The following CACNA2D1 variants were observed in gnomAD, a reference collection of about 807,000 sequenced individuals.
CACNA2D1 encodes the protein voltage-dependent calcium channel subunit alpha-2/delta-1.
Under a neutral mutation model 171.5 loss-of-function variants are expected in CACNA2D1, and 53 were observed. The ratio of observed to expected loss-of-function variants is 0.31; its 90% confidence interval spans 0.25 to 0.39. The LOEUF is 0.39. Among genes scored for constraint, CACNA2D1 ranks in the 10% least tolerant of loss-of-function variants. CACNA2D1 has a pLI of 1.00. For synonymous variants in CACNA2D1, 442 were observed against 443.1 expected, an observed-to-expected ratio of 1.00 and a Z score of 0.03; for missense variants, 903 against 1,299.8, an observed-to-expected ratio of 0.69 and a Z score of 4.69.
chr7:82,128,266 T>C (rs905226209), intron 5 of CACNA2D1, among the ~76,000 whole-genome samples: 1 of 152,118 alleles, frequency 6.6e-6, no homozygotes, highest in African/African-American at 2.4e-5. Context: ...GGAAAATCTG[T>C]TTAAATGACT....
intron 7 of CACNA2D1, among the ~76,000 whole-genome samples, chr7:82,076,163 T>C (rs913458457): frequency 3.9e-5 from 6 of 152,132 alleles, no homozygotes; most frequent in African/African-American, 1.2e-4. Context: ...GATAAGGTTA[T>C]ACAAAATGCA....
intron 3 of CACNA2D1, among the ~76,000 whole-genome samples, chr7:82,295,322 G>A (rs936731756): frequency 2.1e-5 from 3 of 145,732 alleles, no homozygotes; most frequent in African/African-American, 7.6e-5. Context: ...ACTTGAAAAT[G>A]TCTAAGAAAG....
At chr7:82,106,141 C>T (rs78936178) in intron 6 of CACNA2D1, among the ~76,000 whole-genome samples, 4,352 of 152,062 alleles carry the variant, frequency 0.029, 121 homozygotes, top group African/African-American at 0.063. Flanking sequence ...CTTTATAGTC[C>T]ATTTAAAATC....
At position 82,149,782 on chromosome 7, in the gene CACNA2D1, A is replaced by C. The variant is rs548874205; in HGVS notation, c.355-13106T>G. ...TCTCTACTAAAAATACAAAAAAAAAACAAACAAACAACAAAAAAAAAAACA... is the reference window on the plus strand; with the variant it reads ...TCTCTACTAAAAATACAAAAAAAAACCAAACAAACAACAAAAAAAAAAACA... On this transcript the variant is annotated intron_variant, in intron 4 of 38. Transcript: ENST00000356860. 1.6e-4 allele frequency among the ~76,000 whole-genome samples: 23 copies of C among 142,172 alleles called. 1 individual carries two copies. The highest frequency in any genetic ancestry group is 4.6e-4 in the South Asian group (2 of 4,314). The allele number at this position is 142,172 out of a possible 152,430, so 93.3% of individuals were successfully genotyped here. A position where few individuals can be genotyped will look rare whatever the true frequency, so the allele number is the denominator to read the frequency against.
intron 3 of CACNA2D1, among the ~76,000 whole-genome samples, chr7:82,228,521 A>G (rs1802585836): frequency 1.5e-5 from 2 of 136,026 alleles, no homozygotes; most frequent in South Asian, 4.9e-4. Context: ...TTAGTTACAA[A>G]AACATTTTAG....
chr7:82,332,561 A>AGAAAGAAAGAAC (rs1554514960), intron 3 of CACNA2D1, among the ~76,000 whole-genome samples: 56 of 140,556 alleles, frequency 4.0e-4, no homozygotes, highest in African/African-American at 1.2e-3. Flanking sequence ...AAAGAAAGAA[A>AGAAAGAAAGAAC]GAAAGAACGA....
At chr7:82,296,499 G>A (rs1250385101) in intron 3 of CACNA2D1, among the ~76,000 whole-genome samples, 1 of 152,088 alleles carries the variant, frequency 6.6e-6, no homozygotes, top group Non-Finnish European at 1.5e-5. Context: ...ATAGCAGGAA[G>A]GATTTTAGAG....
At chr7:82,063,830 T>C (rs1396715874) in intron 9 of CACNA2D1, among the ~76,000 whole-genome samples, 1 of 152,064 alleles carries the variant, frequency 6.6e-6, no homozygotes, top group African/African-American at 2.4e-5. Flanking sequence ...TTATTTTTTG[T>C]ATATCACCAT....
At chr7:82,300,892 A>G (rs901807017) in intron 3 of CACNA2D1, among the ~76,000 whole-genome samples, 1 of 152,180 alleles carries the variant, frequency 6.6e-6, no homozygotes, top group African/African-American at 2.4e-5. Flanking sequence ...ATACTTTAAT[A>G]TAAGGAAAAA....
At chr7:82,426,480 AATTG>A (rs1829201885) in intron 1 of CACNA2D1, among the ~76,000 whole-genome samples, 1 of 152,136 alleles carries the variant, frequency 6.6e-6, no homozygotes, top group Non-Finnish European at 1.5e-5. Flanking sequence ...AGCATAATGT[AATTG>A]ATTTTTACTT....
At chr7:82,314,496 A>G (rs1311589875) in intron 3 of CACNA2D1, among the ~76,000 whole-genome samples, 1 of 152,218 alleles carries the variant, frequency 6.6e-6, no homozygotes, top group Non-Finnish European at 1.5e-5. Flanking sequence ...AATGTTTTAA[A>G]TATCAACAAT....
chr7:82,143,733 A>C (rs938278889), intron 4 of CACNA2D1, among the ~76,000 whole-genome samples: 1 of 152,114 alleles, frequency 6.6e-6, no homozygotes, highest in Admixed American at 6.6e-5. Context: ...ACACCTCCAC[A>C]TATCAATCAT....
intron 3 of CACNA2D1, among the ~76,000 whole-genome samples, chr7:82,279,435 A>G (rs1809788409): frequency 6.6e-6 from 1 of 152,192 alleles, no homozygotes; most frequent in Admixed American, 6.5e-5. Context: ...CATCTATAGA[A>G]TCTGATTATC....
At chr7:81,993,967 C>T (rs904198645) in intron 20 of CACNA2D1, among the ~76,000 whole-genome samples, 3 of 151,928 alleles carry the variant, frequency 2.0e-5, no homozygotes, top group African/African-American at 7.2e-5. Context: ...CCTCCCTTTG[C>T]GTTCTGTAAT....
chr7:81,965,808 A>C (rs535078522), intron 31 of CACNA2D1, 143 bp from the exon 32 acceptor site: 1 of 648,880 alleles, frequency 1.5e-6, no homozygotes. Context: ...ATGTTCATTA[A>C]ATTCTGGTGA....
intron 2 of CACNA2D1, among the ~76,000 whole-genome samples, chr7:82,338,220 ATTCC>A (rs1485565394): frequency 6.6e-6 from 1 of 152,204 alleles, no homozygotes; most frequent in Admixed American, 6.5e-5. Context: ...GCTTAACAAA[ATTCC>A]TAAAGAAACC....
intron 6 of CACNA2D1, among the ~76,000 whole-genome samples, chr7:82,085,253 T>C (rs1267882742): frequency 2.0e-5 from 3 of 152,134 alleles, no homozygotes; most frequent in East Asian, 3.9e-4. Context: ...CTGGCCTCTA[T>C]CCACTAGATA....
At chr7:81,986,076 C>T (rs949601271) in intron 21 of CACNA2D1, among the ~76,000 whole-genome samples, 5 of 152,206 alleles carry the variant, frequency 3.3e-5, no homozygotes, top group Non-Finnish European at 5.9e-5. Context: ...CTCCTATTCT[C>T]ATGCTAATAC....
intron 1 of CACNA2D1, among the ~76,000 whole-genome samples, chr7:82,422,007 T>C (rs951342516): frequency 2.2e-4 from 34 of 152,228 alleles, no homozygotes; most frequent in African/African-American, 8.2e-4. Flanking sequence ...ATCCCCTAAG[T>C]GAAGCTGTTC....
Sources: allele counts gnomAD v4.1 joint callset (sites outside exome capture counted in the v4.1 genomes callset), GRCh38; gene constraint gnomAD v4.1.1; transcripts MANE v1.5; gene names NCBI Gene and HGNC (gene_info 2026-07-23, HGNC 2026-07-21).